Variants in RAB38 observed in about 807,000 individuals in gnomAD.
RAB38 encodes the protein RAB38, member RAS oncogene family.
A neutral mutation model predicts 18.4 loss-of-function variants in RAB38; 15 were observed. The observed-to-expected ratio is 0.82, with a 90% CI of 0.55 to 1.26. The LOEUF (loss-of-function observed/expected upper bound fraction) is 1.26, where lower values mean the gene tolerates loss of function less well. Ranked by LOEUF, RAB38 falls within the 50% of genes most tolerant of loss-of-function variation. The probability of loss-of-function intolerance (pLI) is 0.00; values close to 1 mark genes in which losing one functional copy is unlikely to be tolerated. For missense variants in RAB38, 294 were observed against 267.4 expected (o/e 1.10, Z -0.69); for synonymous variants, 101 against 104.4 (o/e 0.97, Z 0.20).
the RAB38 span, among the ~76,000 whole-genome samples, chr11:87,873,724 T>C: frequency 6.6e-6 from 1 of 151,386 alleles, no homozygotes; most frequent in Non-Finnish European, 1.5e-5. Flanking sequence ...CCTTTTTCCA[T>C]TGAATTGTTT....
At chr11:87,906,782 G>A in the RAB38 span, among the ~76,000 whole-genome samples, 1 of 151,800 alleles carries the variant, frequency 6.6e-6, no homozygotes, top group East Asian at 2.0e-4. Flanking sequence ...TCATGTTTAT[G>A]GAAATGGGAG....
At chr11:87,842,781 C>T in the RAB38 span, among the ~76,000 whole-genome samples, 1 of 150,122 alleles carries the variant, frequency 6.7e-6, no homozygotes, top group Non-Finnish European at 1.5e-5. Flanking sequence ...CACATACACA[C>T]ATGCATGCGC....
At chr11:88,007,324 ACT>A in the RAB38 span, among the ~76,000 whole-genome samples, 1 of 147,736 alleles carries the variant, frequency 6.8e-6, no homozygotes, top group African/African-American at 2.5e-5. Context: ...CATGAAAAAC[ACT>A]GTTAACAAAA....
the RAB38 span, among the ~76,000 whole-genome samples, chr11:87,900,661 T>TAGGAAGGAAGGAAGGAAGGAAGGA: frequency 1.4e-4 from 19 of 131,304 alleles, no homozygotes; most frequent in African/African-American, 5.2e-4. Flanking sequence ...GAAAGAAAGG[T>TAGGAAGGAAGGAAGGAAGGAAGGA]AGGAAGGAAG....
the RAB38 span, among the ~76,000 whole-genome samples, chr11:88,077,550 G>A: frequency 6.6e-6 from 1 of 152,088 alleles, no homozygotes. Context: ...ATGCAATAGG[G>A]AAAAGACAGA....
the RAB38 span, chr11:87,817,588 C>T: frequency 6.6e-6 from 1 of 152,054 alleles, no homozygotes; most frequent in African/African-American, 2.4e-5. Flanking sequence ...ATTTATGAAC[C>T]TTAATAAACA....
intron 1 of RAB38, among the ~76,000 whole-genome samples, chr11:88,174,418 C>T (rs545171296): frequency 6.6e-6 from 1 of 152,126 alleles, no homozygotes; most frequent in African/African-American, 2.4e-5. Context: ...TCAGATCTCT[C>T]AATGAAAACT....
At chr11:87,898,453 C>T in the RAB38 span, among the ~76,000 whole-genome samples, 4 of 150,938 alleles carry the variant, frequency 2.7e-5, no homozygotes, top group East Asian at 4.0e-4. Flanking sequence ...TGCAATTTCA[C>T]ATTTGCTTTT....
the RAB38 span, among the ~76,000 whole-genome samples, chr11:87,946,874 A>G: frequency 6.6e-6 from 1 of 152,196 alleles, no homozygotes; most frequent in African/African-American, 2.4e-5. Flanking sequence ...TCTTTATAGC[A>G]GCATGATTTA....
the RAB38 span, among the ~76,000 whole-genome samples, chr11:88,030,019 A>T: frequency 6.6e-6 from 1 of 152,176 alleles, no homozygotes; most frequent in Non-Finnish European, 1.5e-5. Flanking sequence ...CAGAAGTTAT[A>T]ACAAACTATC....
At chr11:87,914,553 A>G in the RAB38 span, among the ~76,000 whole-genome samples, 1 of 152,174 alleles carries the variant, frequency 6.6e-6, no homozygotes, top group African/African-American at 2.4e-5. Context: ...AGGGAAGCAG[A>G]GCATAAAAAT....
chr11:87,867,057 C>T, the RAB38 span, among the ~76,000 whole-genome samples: 1 of 151,762 alleles, frequency 6.6e-6, no homozygotes, highest in African/African-American at 2.4e-5. Context: ...ACAGACATAA[C>T]TGGGTGGAGC....
chr11:87,962,858 G>C, the RAB38 span, among the ~76,000 whole-genome samples: 4 of 152,106 alleles, frequency 2.6e-5, no homozygotes, highest in Non-Finnish European at 5.9e-5. Context: ...GTATTAACTA[G>C]CTTGATTTAA....
the RAB38 span, among the ~76,000 whole-genome samples, chr11:87,895,790 A>G: frequency 6.6e-6 from 1 of 151,660 alleles, no homozygotes; most frequent in Non-Finnish European, 1.5e-5. Context: ...GACATAGGCT[A>G]TGTCTCATTG....
chr11:87,849,412 T>C, the RAB38 span, among the ~76,000 whole-genome samples: 1 of 152,310 alleles, frequency 6.6e-6, no homozygotes, highest in Non-Finnish European at 1.5e-5. Context: ...TGCTCAGCGC[T>C]GACTGCTCCA....
chr11:88,114,332 T>A (rs1942518974), intron 2 of RAB38, among the ~76,000 whole-genome samples, 192 bp from the exon 3 acceptor site: 1 of 152,244 alleles, frequency 6.6e-6, no homozygotes, highest in Non-Finnish European at 1.5e-5. Flanking sequence ...AAGAAGTATT[T>A]ATTTTGCTAT....
chr11:87,931,507 C>A, the RAB38 span, among the ~76,000 whole-genome samples: 1 of 152,046 alleles, frequency 6.6e-6, no homozygotes, highest in Admixed American at 6.6e-5. Flanking sequence ...AGGAGTAGGA[C>A]TGAGAAATCA....
the RAB38 span, among the ~76,000 whole-genome samples, chr11:87,975,340 G>A: frequency 1.3e-5 from 2 of 151,916 alleles, no homozygotes; most frequent in African/African-American, 4.8e-5. Context: ...TCTACATTCA[G>A]CCAAAATGGT....
the RAB38 span, among the ~76,000 whole-genome samples, chr11:87,933,102 C>G: frequency 6.6e-6 from 1 of 152,026 alleles, no homozygotes; most frequent in Admixed American, 6.6e-5. Context: ...TCAGTGAATA[C>G]AGCAAGAAAT....
Sources: gnomAD v4.1 joint callset for allele counts (sites outside exome capture counted in the v4.1 genomes callset) on GRCh38, gnomAD v4.1.1 for gene constraint, MANE v1.5 for transcripts, NCBI Gene and HGNC (gene_info 2026-07-23, HGNC 2026-07-21) for gene names.